Variants in IQSEC1 observed in about 807,000 individuals in gnomAD.
IQSEC1 encodes IQ motif and SEC7 domain-containing protein 1.
A neutral mutation model predicts 91.0 loss-of-function variants in IQSEC1; 31 were observed. That is an observed-to-expected ratio of 0.34 (90% CI 0.26 to 0.46). IQSEC1 has a LOEUF of 0.46. Among genes scored for constraint, IQSEC1 ranks in the 20% least tolerant of loss-of-function variants. The probability of loss-of-function intolerance (pLI) is 1.00; values close to 1 mark genes in which losing one functional copy is unlikely to be tolerated. For missense variants in IQSEC1, 1,388 were observed against 1,575.6 expected, an observed-to-expected ratio of 0.88 and a Z score of 2.02; for synonymous variants, 699 against 662.6, an observed-to-expected ratio of 1.05 and a Z score of -0.84.
chr3:13,109,236 T>A (rs1576254012), intron 2 of IQSEC1, among the ~76,000 whole-genome samples: 1 of 152,316 alleles, frequency 6.6e-6, no homozygotes, highest in South Asian at 2.1e-4. Context: ...GGGGAAGCTA[T>A]GAGCAGCCGA....
At chr3:12,996,672 A>G (rs1702238235) in intron 1 of IQSEC1, among the ~76,000 whole-genome samples, 1 of 152,252 alleles carries the variant, frequency 6.6e-6, no homozygotes, top group African/African-American at 2.4e-5. Context: ...GGAAAATGCA[A>G]TGAAAGTTAA....
rs753468028 is a variant in IQSEC1 at position 12,983,671 on chromosome 3, A to G, written c.24-41806T>C. Among the ~76,000 whole-genome samples the G allele has an allele frequency of 1.4e-4, 21 of 152,144 alleles. No individual in the cohort carries two copies. Among genetic ancestry groups the G allele is most frequent in the Non-Finnish European group, 2.9e-4 (20 of 68,030 alleles). On this transcript the variant is annotated intron_variant, in intron 1 of 13. Transcript: ENST00000613206. This position sits in a 1 kb window ranked among gnomAD's most constrained non-coding sequence, Gnocchi z 4.3. ...TCAGGGACGCCTGGGCTGACCTCAC[A>G]GGCCACGCTGGGCAATTCCTCCCAG...
At chr3:12,927,153 G>C (rs1313034714) in intron 3 of IQSEC1, among the ~76,000 whole-genome samples, 1 of 152,228 alleles carries the variant, frequency 6.6e-6, no homozygotes, top group East Asian at 1.9e-4. Context: ...TCAGCTTCCA[G>C]GTGAGGGGTC....
At chr3:13,052,572 T>G (rs557465809) in intron 1 of IQSEC1, among the ~76,000 whole-genome samples, 1 of 152,298 alleles carries the variant, frequency 6.6e-6, no homozygotes, top group African/African-American at 2.4e-5. Context: ...AGAGCCCAGA[T>G]GGTAGGTCGT....
intron 1 of IQSEC1, among the ~76,000 whole-genome samples, chr3:13,032,373 T>C (rs1228462075): frequency 1.3e-5 from 2 of 152,082 alleles, no homozygotes; most frequent in African/African-American, 2.4e-5. Flanking sequence ...CCTGTGAAAG[T>C]GGACAGCGCA....
At chr3:13,057,941 C>T (rs968416042) in intron 1 of IQSEC1, among the ~76,000 whole-genome samples, 2 of 152,250 alleles carry the variant, frequency 1.3e-5, no homozygotes, top group African/African-American at 4.8e-5. Flanking sequence ...GGTGACAAAA[C>T]AGCTCAGGCT....
intron 1 of IQSEC1, among the ~76,000 whole-genome samples, chr3:13,171,109 A>AC (rs1419256586): frequency 5.6e-4 from 84 of 150,232 alleles, no homozygotes; most frequent in Non-Finnish European, 1.0e-3. Flanking sequence ...AAAAAAAACA[A>AC]AAAAAACAAA....
At chr3:13,040,004 G>A (rs889557318) in intron 1 of IQSEC1, among the ~76,000 whole-genome samples, 6 of 152,238 alleles carry the variant, frequency 3.9e-5, no homozygotes, top group African/African-American at 1.4e-4. Context: ...CCACTTCGTG[G>A]CATTAGCGCG....
intron 1 of IQSEC1, among the ~76,000 whole-genome samples, chr3:13,176,241 C>T (rs941004085): frequency 6.6e-6 from 1 of 152,232 alleles, no homozygotes; most frequent in Non-Finnish European, 1.5e-5. Flanking sequence ...AGCCCCCACC[C>T]TGAACTTGCC....
intron 1 of IQSEC1, among the ~76,000 whole-genome samples, chr3:13,235,459 T>C (rs1372393874): frequency 6.6e-6 from 1 of 151,996 alleles, no homozygotes; most frequent in East Asian, 1.9e-4. Flanking sequence ...TGCTCACAAG[T>C]TGGGGCTGTG....
chr3:12,964,109 T>C (rs747831), intron 1 of IQSEC1, among the ~76,000 whole-genome samples: 121,471 of 152,184 alleles, frequency 0.8, 48,681 homozygotes, highest in East Asian at 0.96. Context: ...CCAGGTGGCA[T>C]CATGCCATAC....
chr3:13,145,093 G>T (rs961553521), intron 2 of IQSEC1, among the ~76,000 whole-genome samples: 1 of 152,196 alleles, frequency 6.6e-6, no homozygotes, highest in African/African-American at 2.4e-5. Flanking sequence ...GGGTGGGGGG[G>T]CTGGCATGAG....
chr3:13,082,434 C>A (rs1457559073), intron 2 of IQSEC1, among the ~76,000 whole-genome samples: 1 of 152,202 alleles, frequency 6.6e-6, no homozygotes, highest in East Asian at 1.9e-4. Context: ...GGCTGGGGTG[C>A]TGAAGTCAGA....
intron 1 of IQSEC1, among the ~76,000 whole-genome samples, chr3:13,225,039 T>C (rs949251112): frequency 2.0e-5 from 3 of 152,252 alleles, no homozygotes; most frequent in African/African-American, 7.2e-5. Flanking sequence ...TAGTGAGACA[T>C]TCTGCCTTTA....
intron 1 of IQSEC1, among the ~76,000 whole-genome samples, chr3:13,020,454 C>T (rs375858493): frequency 9.1e-4 from 138 of 152,370 alleles, no homozygotes; most frequent in African/African-American, 3.2e-3. Context: ...TCTCACCCAG[C>T]AGCAGAGACA....
At chr3:13,041,592 T>C (rs1242360617) in intron 1 of IQSEC1, among the ~76,000 whole-genome samples, 1 of 152,118 alleles carries the variant, frequency 6.6e-6, no homozygotes, top group Non-Finnish European at 1.5e-5. Context: ...CATGATGATC[T>C]CCTGCTGGCC....
At chr3:13,084,293 T>C (rs1333674524) in intron 2 of IQSEC1, among the ~76,000 whole-genome samples, 1 of 151,214 alleles carries the variant, frequency 6.6e-6, no homozygotes, top group African/African-American at 2.4e-5. Flanking sequence ...ATAGGTGGTG[T>C]GGAGTCTGGG....
chr3:13,154,271 G>C (rs912676631), intron 2 of IQSEC1, among the ~76,000 whole-genome samples: 1 of 149,962 alleles, frequency 6.7e-6, no homozygotes, highest in African/African-American at 2.5e-5. Flanking sequence ...CATGTTCAAG[G>C]CTGTGCACCC....
intron 2 of IQSEC1, among the ~76,000 whole-genome samples, chr3:13,142,634 C>G (rs1261193522): frequency 1.3e-5 from 2 of 152,220 alleles, no homozygotes; most frequent in African/African-American, 2.4e-5. Flanking sequence ...TTTGCAGGGC[C>G]CTTGAGCTAA....
Sources: gnomAD v4.1 joint callset for allele counts (sites outside exome capture counted in the v4.1 genomes callset) on GRCh38, gnomAD v4.1.1 for gene constraint, Gnocchi (gnomAD v3.1) non-coding constraint, MANE v1.5 for transcripts, NCBI Gene and HGNC (gene_info 2026-07-23, HGNC 2026-07-21) for gene names.